The following ADAMTS5 variants were observed in gnomAD, a reference collection of about 807,000 sequenced individuals.
The protein encoded by ADAMTS5 is ADAM metallopeptidase with thrombospondin type 1 motif 5.
ADAMTS5 carries 54 observed loss-of-function variants against 81.4 expected under a neutral mutation model. That is an observed-to-expected ratio of 0.66 (90% confidence interval 0.53 to 0.83). The LOEUF is 0.83. Ranked by LOEUF, ADAMTS5 falls within the 40% of genes least tolerant of loss-of-function variation. The probability of loss-of-function intolerance (pLI) is 0.00; values close to 1 mark genes in which losing one functional copy is unlikely to be tolerated. For synonymous variants in ADAMTS5, 532 were observed against 508.8 expected (o/e 1.05, Z -0.61); for missense variants, 1,194 against 1,229.9 (o/e 0.97, Z 0.44).
chr21:26,964,490 G>A (rs141987919), intron 1 of ADAMTS5, among the ~76,000 whole-genome samples: 1 of 152,276 alleles, frequency 6.6e-6, no homozygotes, highest in African/African-American at 2.4e-5. Flanking sequence ...TCTGCACTGG[G>A]GCTTCGGAAA....
At chr21:26,951,281 C>T (rs1987311117) in intron 2 of ADAMTS5, among the ~76,000 whole-genome samples, 1 of 152,098 alleles carries the variant, frequency 6.6e-6, no homozygotes, top group East Asian at 1.9e-4. Context: ...ATTATGGGAA[C>T]AGCCTGGGAA....
Position 26,953,253 on chromosome 21 carries a change from G to C in ADAMTS5, c.1237+1486C>G, listed in dbSNP as rs114061426. On this transcript the variant is annotated intron_variant, in intron 2 of 7. Coordinates refer to ENST00000284987, the MANE Select transcript of ADAMTS5 (RefSeq NM_007038.5). ...AAACAGAGAACCCAGAGACAGAGCT[G>C]GGACTCCACTCAGATCTTTGACTAC... 7.4e-3 allele frequency among the ~76,000 whole-genome samples: 1,132 copies of C among 152,292 alleles called. 12 individuals carry two copies. The highest frequency in any genetic ancestry group is 0.026 in the African/African-American group (1,079 of 41,558).
At chr21:26,934,438 G>A in intron 4 of ADAMTS5, 28 bp downstream of exon 4, 1 of 1,612,174 alleles carries the variant, frequency 6.2e-7, no homozygotes, top group Non-Finnish European at 8.5e-7. Flanking sequence ...TGGGCCTCCA[G>A]GCATTGACTG....
chr21:26,939,173 C>A (rs1318610060), intron 3 of ADAMTS5, among the ~76,000 whole-genome samples: 1 of 152,084 alleles, frequency 6.6e-6, no homozygotes, highest in Non-Finnish European at 1.5e-5. Context: ...TGAACAAGAG[C>A]ACTTCAAAAA....
Position 26,922,787 on chromosome 21 carries a change from T to C in ADAMTS5, c.*1266A>G, listed in dbSNP as rs1288743582. ...CTTTCCAGTTGGGAAAAATATTTAGTACAATAGGAATATACTTAGATTTTT... is the reference window on the plus strand; with the variant it reads ...CTTTCCAGTTGGGAAAAATATTTAGCACAATAGGAATATACTTAGATTTTT... On this transcript the variant is annotated 3_prime_UTR_variant, in exon 8 of 8. Transcript: ENST00000284987. 1 of 152,572 alleles carries C rather than the reference T, an allele frequency of 6.6e-6. No homozygotes were observed. The highest frequency in any genetic ancestry group is 1.5e-5 in the Non-Finnish European group (1 of 67,990). The allele number at this position is 152,572 out of a possible 1,614,324, so 9.5% of individuals were successfully genotyped here. A position where few individuals can be genotyped will look rare whatever the true frequency, so the allele number is the denominator to read the frequency against.
Position 26,924,101 on chromosome 21 carries a change from G to A in ADAMTS5, c.2745C>T (p.Leu915=). 6.2e-7 allele frequency: 1 copy of A among 1,611,046 alleles called. No individual in the cohort carries two copies. Among genetic ancestry groups the A allele is most frequent in the South Asian group, 1.1e-5 (1 of 91,024 alleles). ...GNRKLAKGCP[L]SQRPSAFKQC... is the part of the protein sequence containing the mutation. ...GCTTAAACGCAGAAGGCCTTTGGGA[G>A]AGAGGACATCCTTTTGCTAACTTCC... is the stretch of plus-strand genomic sequence containing the variant. The change falls in exon 8 of 8, where the codon CTC becomes CTT. Residue 915 remains leucine, a synonymous_variant. Transcript: ENST00000284987.
chr21:26,933,009 G>GGATCCCCAA lies in ADAMTS5; in HGVS notation c.1716_1724dup (p.Ser575_Gly577dup). ...CACATGAGCGAGAACACTGGCCCCA[G>GGATCCCCAA]GATCCCCAAGATCCCCAGTTGCCAT... On this transcript the variant is annotated inframe_insertion, in exon 5 of 8. Transcript: ENST00000284987. 1 of 1,613,516 alleles carries GGATCCCCAA rather than the reference G, an allele frequency of 6.2e-7. No homozygotes were observed. Among genetic ancestry groups the GGATCCCCAA allele is most frequent in the Non-Finnish European group, 8.5e-7 (1 of 1,179,864 alleles).
chr21:26,924,243 T>C lies in ADAMTS5; in HGVS notation c.2603A>G (p.Asn868Ser), dbSNP rs1986760057. The C allele has an allele frequency of 1.2e-6, 2 of 1,614,082 alleles. No individual in the cohort carries two copies. Among genetic ancestry groups the C allele is most frequent in the Non-Finnish European group, 1.7e-6 (2 of 1,180,030 alleles). ...CTGCGAAGTGTGTGATCCCACTTTA[T>C]TGCTGCCATGACTAGTGACAGAGTT... ...KVNSVTSHGSNKVGSHTSQPQ... is the reference protein window; with the variant it reads ...KVNSVTSHGSSKVGSHTSQPQ... Residue 868 changes from asparagine (N) to serine (S), a missense_variant, in exon 8 of 8, where the codon AAT becomes AGT. Physicochemically the swap from Asn to Ser is conservative, Grantham distance 46. Transcript: ENST00000284987.
chr21:26,937,037 G>A (rs1987026713), intron 3 of ADAMTS5, among the ~76,000 whole-genome samples: 1 of 152,152 alleles, frequency 6.6e-6, no homozygotes, highest in Admixed American at 6.5e-5. Flanking sequence ...ATAAGACTGG[G>A]TAACTAAATA....
intron 2 of ADAMTS5, among the ~76,000 whole-genome samples, chr21:26,949,747 T>C (rs1269765151): frequency 2.0e-5 from 3 of 152,210 alleles, no homozygotes; most frequent in Non-Finnish European, 4.4e-5. Flanking sequence ...CACATTTTAT[T>C]TGGGGGCCAA....
chr21:26,958,937 G>A (rs1987476802), intron 1 of ADAMTS5, among the ~76,000 whole-genome samples: 3 of 152,204 alleles, frequency 2.0e-5, no homozygotes. Context: ...AGGACTAGTG[G>A]AAACATAATG....
intron 3 of ADAMTS5, among the ~76,000 whole-genome samples, chr21:26,938,064 AC>A (rs1291789141): frequency 2.0e-5 from 3 of 152,050 alleles, no homozygotes; most frequent in Non-Finnish European, 4.4e-5. Flanking sequence ...ACATGGTGAA[AC>A]CCTGTCTGTA....
Position 26,924,395 on chromosome 21 carries a change from G to T in ADAMTS5, c.2451C>A (p.Phe817Leu), listed in dbSNP as rs1201265060. Residue 817 changes from phenylalanine to leucine, a missense_variant, in exon 8 of 8, where the codon TTC (phenylalanine) becomes TTA (leucine). Transcript: ENST00000284987. ...NYSGWSHRDD[F>L]LHGMGYSATK... The stretch of plus-strand genomic sequence containing the variant: ...TGGCAGAGTAGCCCATGCCATGCAG[G>T]AAGTCATCCCTGTGGCTCCAACCGC... The T allele has an allele frequency of 2.5e-6, 4 of 1,614,056 alleles. No individual in the cohort carries two copies. The highest frequency in any genetic ancestry group is 1.7e-5 in the Admixed American group (1 of 60,026).
intron 4 of ADAMTS5, 134 bp downstream of exon 4, chr21:26,934,332 C>T: frequency 8.5e-7 from 1 of 1,175,376 alleles, no homozygotes; most frequent in Non-Finnish European, 1.2e-6. Flanking sequence ...AAAGAAGAAG[C>T]TCTAAATAAA....
chr21:26,945,388 T>C (rs1203864998), intron 2 of ADAMTS5, among the ~76,000 whole-genome samples: 1 of 152,134 alleles, frequency 6.6e-6, no homozygotes, highest in Non-Finnish European at 1.5e-5. Context: ...TGAATCCAGG[T>C]TTTTACTTAA....
chr21:26,941,417 T>TA (rs1987112112), intron 3 of ADAMTS5, among the ~76,000 whole-genome samples: 1 of 152,108 alleles, frequency 6.6e-6, no homozygotes, highest in South Asian at 2.1e-4. Flanking sequence ...ATAAAATCTT[T>TA]AAAAAATCAG....
In ADAMTS5 at chr21:26,934,459, C is replaced by T. The variant is rs766124057; in HGVS notation, c.1689+7G>A. 2 of 1,613,934 alleles carry T rather than the reference C, an allele frequency of 1.2e-6. No homozygotes were observed. The highest frequency in any genetic ancestry group is 1.3e-5 in the African/African-American group (1 of 75,064). On this transcript the variant is annotated splice_region_variant and intron_variant, in intron 4 of 7. Transcript: ENST00000284987. Reference sequence around the variant, plus strand: ...TCCAGGCATTGACTGATGAGAAAATCACTTACTGAATAATATTTTTTCTTG... The same window carrying T: ...TCCAGGCATTGACTGATGAGAAAATTACTTACTGAATAATATTTTTTCTTG...
chr21:26,961,575 A>G (rs2123208229), intron 1 of ADAMTS5, among the ~76,000 whole-genome samples: 1 of 152,330 alleles, frequency 6.6e-6, no homozygotes, highest in Middle Eastern at 3.4e-3. Context: ...TAAACTGCCT[A>G]CATGAGTCTC....
chr21:26,920,448 T>C lies in ADAMTS5; in HGVS notation c.*3605A>G, dbSNP rs1279119414. 1.3e-5 allele frequency: 2 copies of C among 152,116 alleles called. No individual in the cohort carries two copies. Among genetic ancestry groups the C allele is most frequent in the Non-Finnish European group, 2.9e-5 (2 of 67,998 alleles). 9.4% of individuals were successfully genotyped at this position (152,116 alleles called of 1,614,324 possible). A position where few individuals can be genotyped will look rare whatever the true frequency, so the allele number is the denominator to read the frequency against. Reference sequence around the variant, plus strand: ...AACAGTTATGACTATTAGCATTTGTTATACAAACCCAATCTATTTGTGCTC... The same window carrying C: ...AACAGTTATGACTATTAGCATTTGTCATACAAACCCAATCTATTTGTGCTC... On this transcript the variant is annotated 3_prime_UTR_variant, in exon 8 of 8. Coordinates refer to ENST00000284987, the MANE Select transcript of ADAMTS5 (RefSeq NM_007038.5).
Sources: gnomAD v4.1 joint callset for allele counts (sites outside exome capture counted in the v4.1 genomes callset) on GRCh38, gnomAD v4.1.1 for gene constraint, MANE v1.5 for transcripts, NCBI Gene and HGNC (gene_info 2026-07-23, HGNC 2026-07-21) for gene names.